RCHY1: variants seen among roughly 807,000 people sequenced by gnomAD.
The protein encoded by RCHY1 is RING finger and CHY zinc finger domain-containing protein 1.
RCHY1 carries 21 observed loss-of-function variants against 41.6 expected under a neutral mutation model. The ratio of observed to expected loss-of-function variants is 0.51; its 90% CI spans 0.36 to 0.73. The LOEUF is 0.73. RCHY1 is among the 30% of genes least tolerant of loss of function. The probability of loss-of-function intolerance (pLI) is 0.00; values close to 1 mark genes in which losing one functional copy is unlikely to be tolerated. For missense variants in RCHY1, 265 were observed against 325.3 expected (o/e 0.81, Z 1.43); for synonymous variants, 79 against 102.9 (o/e 0.77, Z 1.41).
In RCHY1 at chr4:75,487,513, AAT is replaced by A. The variant is rs1188232907; in HGVS notation, c.657+3066_657+3067del. ...ATATATTCATAATATATATATTCATAATATATATATTCATAATATATTCATAA... is the reference window on the plus strand; with the variant it reads ...ATATATTCATAATATATATATTCATAATATATATTCATAATATATTCATAA... On this transcript the variant is annotated intron_variant, in intron 8 of 8. Coordinates refer to ENST00000324439, the MANE Select transcript of RCHY1 (RefSeq NM_015436.4). Among the ~76,000 whole-genome samples, 91 of 125,840 alleles carry A rather than the reference AAT, an allele frequency of 7.2e-4. 1 individual carries two copies. In the Middle Eastern group the frequency reaches 0.017, roughly 23 times the overall value. The allele number at this position is 125,840 out of a possible 152,430, so 82.6% of individuals were successfully genotyped here.
chr4:75,512,914 G>A (rs868134195), intron 1 of RCHY1, among the ~76,000 whole-genome samples: 1 of 124,132 alleles, frequency 8.1e-6, no homozygotes, highest in Non-Finnish European at 1.7e-5. Context: ...GGGGGGGGGG[G>A]GGCGGGGGAA....
In RCHY1 at chr4:75,481,786, T is replaced by A. The variant is rs1473639891; in HGVS notation, c.*752A>T. 1.3e-5 allele frequency: 2 copies of A among 152,172 alleles called. No individual in the cohort carries two copies. The highest frequency in any genetic ancestry group is 1.3e-4 in the Admixed American group (2 of 15,270). The allele number at this position is 152,172 out of a possible 1,614,324, so 9.4% of individuals were successfully genotyped here. A position where few individuals can be genotyped will look rare whatever the true frequency, so the allele number is the denominator to read the frequency against. ...CTTGCTAAATGAAGGAATGAATGAC[T>A]CTTTGAAGAAATAATTTTGGGCAAC... On this transcript the variant is annotated 3_prime_UTR_variant, in exon 9 of 9. Coordinates refer to ENST00000324439, the MANE Select transcript of RCHY1 (RefSeq NM_015436.4).
intron 8 of RCHY1, among the ~76,000 whole-genome samples, chr4:75,486,874 G>T (rs1722059164): frequency 6.6e-6 from 1 of 152,136 alleles, no homozygotes; most frequent in African/African-American, 2.4e-5. Flanking sequence ...AGCTACTCGG[G>T]AGGCTGAGGC....
intron 3 of RCHY1, among the ~76,000 whole-genome samples, chr4:75,501,763 C>T (rs1723783083): frequency 6.6e-6 from 1 of 152,152 alleles, no homozygotes; most frequent in Admixed American, 6.5e-5. Flanking sequence ...TGGATATTTG[C>T]ACTGTACAAT....
intron 1 of RCHY1, among the ~76,000 whole-genome samples, chr4:75,512,006 C>T (rs763245514): frequency 1.3e-5 from 2 of 152,164 alleles, no homozygotes; most frequent in Non-Finnish European, 1.5e-5. Flanking sequence ...CCCTAACTTA[C>T]TCCAAGTCTC....
intron 1 of RCHY1, among the ~76,000 whole-genome samples, chr4:75,513,244 G>A (rs767583245): frequency 6.6e-6 from 1 of 152,162 alleles, no homozygotes; most frequent in Non-Finnish European, 1.5e-5. Flanking sequence ...TAATGAGGCA[G>A]TGACCAGCAA....
chr4:75,509,067 G>A, intron 2 of RCHY1, 110 bp downstream of exon 2: 1 of 1,226,680 alleles, frequency 8.2e-7, no homozygotes, highest in Non-Finnish European at 1.1e-6. Flanking sequence ...CAAAGATATT[G>A]CTTATTCTAG....
intron 3 of RCHY1, among the ~76,000 whole-genome samples, chr4:75,498,023 A>C (rs1723380472): frequency 6.7e-6 from 1 of 148,262 alleles, no homozygotes; most frequent in Admixed American, 6.8e-5. Flanking sequence ...CAGAGCAGAA[A>C]AAAATGAGAG....
At position 75,508,845 on chromosome 4, in the gene RCHY1, G is replaced by T. The variant is rs1278012225; in HGVS notation, c.301C>A (p.His101Asn). Residue 101 changes from histidine to asparagine, a missense_variant, in exon 3 of 9, where the codon CAC becomes AAC. Coordinates refer to ENST00000324439, the MANE Select transcript of RCHY1 (RefSeq NM_015436.4). ...CTACAAATTCCACAGTTTTCACAGTGATACTGCTTCTTATCTTTGTCAAAC... is the reference window on the plus strand; with the variant it reads ...CTACAAATTCCACAGTTTTCACAGTTATACTGCTTCTTATCTTTGTCAAAC... ...HLFDKDKKQYHCENCGICRIG... is the reference protein window; with the variant it reads ...HLFDKDKKQYNCENCGICRIG... 1.9e-6 allele frequency: 3 copies of T among 1,607,468 alleles called. No homozygotes were observed. Among genetic ancestry groups the T allele is most frequent in the Non-Finnish European group, 1.7e-6 (2 of 1,176,052 alleles).
At position 75,514,245 on chromosome 4, in the gene RCHY1, C is replaced by T; in HGVS notation, c.42G>A (p.Glu14=). 1 of 1,613,086 alleles carries T rather than the reference C, an allele frequency of 6.2e-7. No individual in the cohort carries two copies. Among genetic ancestry groups the T allele is most frequent in the Non-Finnish European group, 8.5e-7 (1 of 1,179,090 alleles). ...AGTGCTCGCAGCCCCGCTGACCTCG[C>T]TCTTGACCGCTGGCGCCATCTTCCC... ...TAREDGASGQ[E]RGQRGCEHYD... Residue 14 remains glutamate, a synonymous_variant, in exon 1 of 9, where the codon GAG becomes GAA. Coordinates refer to ENST00000324439, the MANE Select transcript of RCHY1 (RefSeq NM_015436.4).
chr4:75,494,293 G>A, intron 3 of RCHY1, 114 bp from the exon 4 acceptor site: 1 of 687,222 alleles, frequency 1.5e-6, no homozygotes. Flanking sequence ...AGCCACAATG[G>A]AGAATATGGG....
intron 1 of RCHY1, 43 bp from the exon 2 acceptor site, chr4:75,509,339 G>T: frequency 6.3e-7 from 1 of 1,588,636 alleles, no homozygotes; most frequent in East Asian, 2.3e-5. Context: ...AGAAGCAAAA[G>T]AAACTAAGTG....
chr4:75,500,298 G>A (rs531427241), intron 3 of RCHY1, among the ~76,000 whole-genome samples: 3 of 152,190 alleles, frequency 2.0e-5, no homozygotes, highest in South Asian at 2.1e-4. Flanking sequence ...TCTGCTATGC[G>A]ACTCTGTCTT....
chr4:75,484,247 C>T (rs1721796398), intron 8 of RCHY1, among the ~76,000 whole-genome samples: 1 of 152,174 alleles, frequency 6.6e-6, no homozygotes, highest in Non-Finnish European at 1.5e-5. Context: ...TGCTCTCTTG[C>T]AGCCATTAGG....
chr4:75,487,498 A>AATATATATATTCATAAT (rs1722146712), intron 8 of RCHY1, among the ~76,000 whole-genome samples: 24 of 112,686 alleles, frequency 2.1e-4, no homozygotes, highest in Non-Finnish European at 3.5e-4. Context: ...ATATATTCAT[A>AATATATATATTCATAAT]ATATATATAT....
chr4:75,514,014 G>C, intron 1 of RCHY1, 183 bp downstream of exon 1: 3 of 864,370 alleles, frequency 3.5e-6, no homozygotes, highest in Non-Finnish European at 1.7e-6. Context: ...AAGCAGGTAG[G>C]AAAGGTGGGG....
At chr4:75,492,040 A>G in intron 4 of RCHY1, 107 bp from the exon 5 acceptor site, 2 of 738,984 alleles carry the variant, frequency 2.7e-6, no homozygotes, top group Non-Finnish European at 4.2e-6. Flanking sequence ...TAAAAATAAT[A>G]GCTAACATTA....
intron 4 of RCHY1, 107 bp downstream of exon 4, chr4:75,493,994 C>T (rs539539098): frequency 3.6e-4 from 236 of 655,908 alleles, no homozygotes; most frequent in Non-Finnish European, 5.3e-4. Context: ...AATATAGTTG[C>T]ACTTGGAAAT....
chr4:75,495,337 A>G (rs181464926), intron 3 of RCHY1, among the ~76,000 whole-genome samples: 1 of 151,914 alleles, frequency 6.6e-6, no homozygotes. Flanking sequence ...ATTTTTCTTT[A>G]ATCCATTTGA....
Sources: allele counts gnomAD v4.1 joint callset (sites outside exome capture counted in the v4.1 genomes callset), GRCh38; gene constraint gnomAD v4.1.1; transcripts MANE v1.5; gene names NCBI Gene and HGNC (gene_info 2026-07-23, HGNC 2026-07-21).